The following PEPD variants were observed in gnomAD, a reference collection of about 807,000 sequenced individuals.
The protein encoded by PEPD is xaa-Pro dipeptidase.
Under a neutral mutation model 60.7 loss-of-function variants are expected in PEPD, and 53 were observed. The observed-to-expected ratio is 0.87, with a 90% CI of 0.70 to 1.10. The LOEUF (loss-of-function observed/expected upper bound fraction) is 1.10. Among genes scored for constraint, PEPD ranks in the 50% least tolerant of loss-of-function variants. PEPD has a pLI of 0.00. For synonymous variants in PEPD, 267 were observed against 284.1 expected (o/e 0.94, Z 0.60); for missense variants, 711 against 711.9 (o/e 1.00, Z 0.01).
chr19:33,388,081 C>A lies in PEPD; in HGVS notation c.1153G>T (p.Gly385Cys). 6.5e-7 allele frequency: 1 copy of A among 1,546,568 alleles called. No individual in the cohort carries two copies. Among genetic ancestry groups the A allele is most frequent in the South Asian group, 1.2e-5 (1 of 84,130 alleles). The change falls in exon 14 of 15, where the codon GGC becomes TGC. Residue 385 changes from glycine (G) to cysteine (C), a missense_variant and splice_region_variant. Gly to Cys is a radical substitution (Grantham distance 159, BLOSUM62 -3). Coordinates refer to ENST00000244137, the MANE Select transcript of PEPD (RefSeq NM_000285.4). ...CCGGGCTCGTCGATGCGCTCCACGC[C>A]CTGTGGGGAACAGAGGTGAGGGGCC... ...DVHDVGGYPE[G>C]VERIDEPGLR...
At chr19:33,460,355 C>A (rs940403630) in intron 9 of PEPD, among the ~76,000 whole-genome samples, 1 of 152,116 alleles carries the variant, frequency 6.6e-6, no homozygotes, top group South Asian at 2.1e-4. Context: ...AGAGGGAGCT[C>A]GAGGCGGAAG....
chr19:33,512,504 G>T, intron 2 of PEPD, 89 bp downstream of exon 2: 2 of 1,275,288 alleles, frequency 1.6e-6, no homozygotes, highest in Non-Finnish European at 1.1e-6. Flanking sequence ...ACAAGGGGCA[G>T]CACTGGCCAA....
At chr19:33,439,224 T>C (rs1969438102) in intron 9 of PEPD, among the ~76,000 whole-genome samples, 1 of 152,194 alleles carries the variant, frequency 6.6e-6, no homozygotes, top group Non-Finnish European at 1.5e-5. Context: ...ACATCTCACA[T>C]GCATCACAGC....
intron 12 of PEPD, among the ~76,000 whole-genome samples, chr19:33,401,117 G>A (rs1261645834): frequency 6.6e-6 from 1 of 152,202 alleles, no homozygotes; most frequent in Non-Finnish European, 1.5e-5. Flanking sequence ...GTTGGCCTAC[G>A]CTGGCCGCTG....
chr19:33,470,154 C>A (rs1239990477), intron 7 of PEPD, among the ~76,000 whole-genome samples: 1 of 152,180 alleles, frequency 6.6e-6, no homozygotes, highest in Non-Finnish European at 1.5e-5. Context: ...CCCTCCACGA[C>A]CTCCCTCAGG....
At chr19:33,490,914 C>T (rs376504729) in intron 5 of PEPD, among the ~76,000 whole-genome samples, 17 of 151,980 alleles carry the variant, frequency 1.1e-4, no homozygotes, top group African/African-American at 3.1e-4. Context: ...CCGCGTACCT[C>T]GGCCTTCCAA....
chr19:33,450,786 G>A (rs4805037), intron 9 of PEPD, among the ~76,000 whole-genome samples: 5,357 of 152,202 alleles, frequency 0.035, 295 homozygotes, highest in Admixed American at 0.15. Context: ...GGCAGGAGGC[G>A]GGACTTGACT....
intron 9 of PEPD, among the ~76,000 whole-genome samples, chr19:33,452,530 G>A (rs1339783047): frequency 6.6e-6 from 1 of 151,720 alleles, no homozygotes; most frequent in East Asian, 1.9e-4. Context: ...GGCCAATAAA[G>A]AAGATAAAAC....
rs1467712256 is a variant in PEPD, at chr19:33,462,229, C to T, written c.671+766G>A. Among the ~76,000 whole-genome samples, 5 of 152,230 alleles carry T rather than the reference C, an allele frequency of 3.3e-5. No homozygotes were observed. In the East Asian group the frequency reaches 9.6e-4, roughly 29 times the overall value. On this transcript the variant is annotated intron_variant, in intron 9 of 14. Coordinates refer to ENST00000244137, the MANE Select transcript of PEPD (RefSeq NM_000285.4). ...TAAGGGATACCAGAAACCAAGCTCT[C>T]ACAAGGACAGGCAGGAAAGGAAAGC...
intron 7 of PEPD, among the ~76,000 whole-genome samples, chr19:33,471,298 G>A: frequency 6.6e-6 from 1 of 152,118 alleles, no homozygotes; most frequent in East Asian, 1.9e-4. Flanking sequence ...TCTCACCCAG[G>A]CGCCAGGCAT....
intron 9 of PEPD, among the ~76,000 whole-genome samples, chr19:33,455,739 C>A (rs949803773): frequency 1.3e-5 from 2 of 148,406 alleles, no homozygotes; most frequent in Non-Finnish European, 3.0e-5. Context: ...GTCTTGAACT[C>A]CTGGCCTCAA....
chr19:33,440,089 G>A (rs1413299992), intron 9 of PEPD, among the ~76,000 whole-genome samples: 3 of 152,108 alleles, frequency 2.0e-5, no homozygotes, highest in African/African-American at 7.2e-5. Context: ...CAACCACTGG[G>A]ACCTGCGCAA....
At chr19:33,422,394 C>T (rs186250446) in intron 9 of PEPD, among the ~76,000 whole-genome samples, 1 of 150,650 alleles carries the variant, frequency 6.6e-6, no homozygotes, top group Admixed American at 6.7e-5. Flanking sequence ...ACCCATCCAT[C>T]CATCTATCCA....
intron 7 of PEPD, among the ~76,000 whole-genome samples, chr19:33,475,195 C>T (rs567187874): frequency 6.6e-6 from 1 of 152,166 alleles, no homozygotes; most frequent in Admixed American, 6.5e-5. Flanking sequence ...CTAGAATTCA[C>T]ATGTGCCCGA....
chr19:33,388,374 C>A, intron 13 of PEPD: 1 of 590,140 alleles, frequency 1.7e-6, no homozygotes, highest in Non-Finnish European at 3.1e-6. Context: ...CCCAGACAGG[C>A]CTGTGGGGCT....
intron 9 of PEPD, among the ~76,000 whole-genome samples, chr19:33,448,060 T>C (rs1468579319): frequency 6.6e-6 from 1 of 152,178 alleles, no homozygotes; most frequent in Non-Finnish European, 1.5e-5. Context: ...AGACAGCCCT[T>C]CCTGGATGAA....
intron 7 of PEPD, 86 bp from the exon 8 acceptor site, chr19:33,464,148 C>T: frequency 1.1e-6 from 1 of 897,890 alleles, no homozygotes; most frequent in East Asian, 2.5e-5. Context: ...CAGGGCCTAC[C>T]ACACCCTGCA....
chr19:33,516,723 G>A (rs33835), intron 1 of PEPD, among the ~76,000 whole-genome samples: 113,568 of 151,958 alleles, frequency 0.75, 42,686 homozygotes, highest in Middle Eastern at 0.83. Context: ...GGAAAAAGCT[G>A]TACCTTTATT....
At chr19:33,505,625 C>T (rs181093832) in intron 3 of PEPD, among the ~76,000 whole-genome samples, 36 of 151,996 alleles carry the variant, frequency 2.4e-4, no homozygotes, top group Non-Finnish European at 3.2e-4. Context: ...CCTGGGGACA[C>T]TTAGTGGGGC....
Sources: allele counts gnomAD v4.1 joint callset (sites outside exome capture counted in the v4.1 genomes callset), GRCh38; gene constraint gnomAD v4.1.1; transcripts MANE v1.5; gene names NCBI Gene and HGNC (gene_info 2026-07-23, HGNC 2026-07-21).